Variants in DPYSL3 observed in about 807,000 individuals in gnomAD.
DPYSL3 encodes dihydropyrimidinase like 3.
DPYSL3 carries 16 observed loss-of-function variants against 66.1 expected under a neutral mutation model. The ratio of observed to expected loss-of-function variants is 0.24; its 90% confidence interval spans 0.16 to 0.37. The LOEUF (loss-of-function observed/expected upper bound fraction) is 0.37. Among genes scored for constraint, DPYSL3 ranks in the 10% least tolerant of loss-of-function variants. DPYSL3 has a pLI of 1.00. For synonymous variants in DPYSL3, 338 were observed against 345.1 expected, an observed-to-expected ratio of 0.98 and a Z score of 0.23; for missense variants, 738 against 916.2, an observed-to-expected ratio of 0.81 and a Z score of 2.51.
chr5:147,502,662 C>T (rs184464687), intron 1 of DPYSL3, among the ~76,000 whole-genome samples: 5 of 151,162 alleles, frequency 3.3e-5, no homozygotes, highest in Admixed American at 1.3e-4. Flanking sequence ...CTGCAACTTC[C>T]GCCTCCCGGG....
At chr5:147,402,366 G>A (rs1360897017) in intron 8 of DPYSL3, among the ~76,000 whole-genome samples, 1 of 78,054 alleles carries the variant, frequency 1.3e-5, no homozygotes, top group Non-Finnish European at 2.2e-5. Flanking sequence ...TTTTTTTTTT[G>A]AGACGGAGTC....
chr5:147,471,037 C>A (rs1753079640), intron 1 of DPYSL3, among the ~76,000 whole-genome samples: 1 of 152,182 alleles, frequency 6.6e-6, no homozygotes. Flanking sequence ...TAGACAGACA[C>A]TCATGGGATA....
At chr5:147,505,179 G>C (rs1447817859) in intron 1 of DPYSL3, among the ~76,000 whole-genome samples, 1 of 151,978 alleles carries the variant, frequency 6.6e-6, no homozygotes, top group African/African-American at 2.4e-5. Context: ...TTATAGATAG[G>C]TTTGGAACCA....
intron 1 of DPYSL3, among the ~76,000 whole-genome samples, chr5:147,475,439 A>C (rs971839928): frequency 3.3e-5 from 5 of 152,150 alleles, no homozygotes; most frequent in Non-Finnish European, 7.4e-5. Flanking sequence ...AAGCTAAGTC[A>C]AGTGTTGAAG....
chr5:147,502,065 A>G (rs970146750), intron 1 of DPYSL3, among the ~76,000 whole-genome samples: 1 of 152,126 alleles, frequency 6.6e-6, no homozygotes, highest in Non-Finnish European at 1.5e-5. Context: ...GGACACTGGG[A>G]TGCCCAAGAT....
At chr5:147,440,553 A>C (rs1246061760) in intron 1 of DPYSL3, among the ~76,000 whole-genome samples, 1 of 152,236 alleles carries the variant, frequency 6.6e-6, no homozygotes, top group Admixed American at 6.5e-5. Flanking sequence ...GGCCCACGGC[A>C]CATCACTATG....
At chr5:147,489,929 A>G (rs1753390201) in intron 1 of DPYSL3, among the ~76,000 whole-genome samples, 1 of 152,186 alleles carries the variant, frequency 6.6e-6, no homozygotes, top group South Asian at 2.1e-4. Flanking sequence ...AGGACTGCAC[A>G]TGTACCTCTT....
intron 1 of DPYSL3, among the ~76,000 whole-genome samples, chr5:147,447,779 C>T (rs1477707195): frequency 2.0e-5 from 3 of 152,008 alleles, no homozygotes; most frequent in Non-Finnish European, 2.9e-5. Flanking sequence ...CGGAGGTTGC[C>T]GTGAGCTGAG....
At chr5:147,450,848 G>A (rs1247001437) in intron 1 of DPYSL3, among the ~76,000 whole-genome samples, 4 of 152,164 alleles carry the variant, frequency 2.6e-5, no homozygotes, top group African/African-American at 9.7e-5. Context: ...CAGCTACTGG[G>A]TGGGGCTGCC....
intron 1 of DPYSL3, among the ~76,000 whole-genome samples, chr5:147,472,329 T>C (rs1479153148): frequency 6.6e-6 from 1 of 152,120 alleles, no homozygotes; most frequent in African/African-American, 2.4e-5. Context: ...TATTCTGAGA[T>C]GCAAGACATA....
At chr5:147,422,481 C>T (rs534547702) in intron 2 of DPYSL3, among the ~76,000 whole-genome samples, 2 of 152,236 alleles carry the variant, frequency 1.3e-5, no homozygotes, top group South Asian at 4.2e-4. Context: ...TAGCATTTGG[C>T]CCAGCAATCC....
At chr5:147,506,728 T>A (rs1753688971) in intron 1 of DPYSL3, among the ~76,000 whole-genome samples, 1 of 152,122 alleles carries the variant, frequency 6.6e-6, no homozygotes, top group African/African-American at 2.4e-5. Context: ...CTGTGCAAAG[T>A]AGTCACCATT....
intron 6 of DPYSL3, among the ~76,000 whole-genome samples, chr5:147,412,356 A>G (rs1751871330): frequency 1.3e-5 from 2 of 152,200 alleles, no homozygotes; most frequent in Non-Finnish European, 2.9e-5. Flanking sequence ...CTCTTCCAGG[A>G]TGCCTTTTCT....
chr5:147,489,265 A>G (rs541197756), intron 1 of DPYSL3, among the ~76,000 whole-genome samples: 1 of 152,166 alleles, frequency 6.6e-6, no homozygotes, highest in Non-Finnish European at 1.5e-5. Context: ...TTCCTCTGTT[A>G]GACATTTTAT....
rs1048715299 is a variant in DPYSL3, at chr5:147,392,320, G to C, written c.*1715C>G. 6 of 152,194 alleles carry C rather than the reference G, an allele frequency of 3.9e-5. No individual in the cohort carries two copies. Among genetic ancestry groups the C allele is most frequent in the African/African-American group, 1.4e-4 (6 of 41,444 alleles). 9.4% of individuals were successfully genotyped at this position (152,194 alleles called of 1,614,324 possible). Reference sequence around the variant, plus strand: ...GATTTGAACAGAAGGTAGCTTGCTAGGGGAAATCCTGTTCCTTGGCTATCT... The same window carrying C: ...GATTTGAACAGAAGGTAGCTTGCTACGGGAAATCCTGTTCCTTGGCTATCT... On this transcript the variant is annotated 3_prime_UTR_variant, in exon 14 of 14. Coordinates refer to ENST00000343218, the MANE Select transcript of DPYSL3 (RefSeq NM_001197294.2).
chr5:147,483,090 G>C (rs1201980214), intron 1 of DPYSL3, among the ~76,000 whole-genome samples: 3 of 152,010 alleles, frequency 2.0e-5, no homozygotes, highest in Admixed American at 2.0e-4. Context: ...GGGACACAAA[G>C]CAAAACCATA....
intron 6 of DPYSL3, among the ~76,000 whole-genome samples, chr5:147,412,075 T>C (rs1751865929): frequency 6.6e-6 from 1 of 152,196 alleles, no homozygotes; most frequent in Non-Finnish European, 1.5e-5. Flanking sequence ...AAATGATCAA[T>C]TTGGGCCTTG....
chr5:147,400,725 C>T lies in DPYSL3; in HGVS notation c.1419G>A (p.Glu473=). The change falls in exon 10 of 14, where the codon GAG becomes GAA. Residue 473 remains glutamate (E), a synonymous_variant. Transcript: ENST00000343218. ...TGTCCCAGATGACAGACATCCGCTC[C>T]TCCACACCATTGGTGCCCTCAGGAA... The part of the protein sequence containing the change: ...TAIPEGTNGV[E]ERMSVIWDKA... 1 of 1,614,208 alleles carries T rather than the reference C, an allele frequency of 6.2e-7. No homozygotes were observed. Among genetic ancestry groups the T allele is most frequent in the Non-Finnish European group, 8.5e-7 (1 of 1,180,022 alleles).
rs1375146457 is a variant in DPYSL3 at position 147,509,651 on chromosome 5, C to T, written c.208G>A (p.Gly70Ser). ...CGACTCCCCGATCCTCGGTCGCTGC[C>T]CTGGCCGCTCCGAGGAGTCTTCGCG... ...RGAKTPRSGQ[G>S]SDRGSGSRPG... Residue 70 changes from glycine (G) to serine (S), a missense_variant, in exon 1 of 14, where the codon GGC becomes AGC. Transcript: ENST00000343218. This position sits in a 1 kb window ranked among gnomAD's most constrained non-coding sequence, Gnocchi z 5.3. 6.5e-7 allele frequency: 1 copy of T among 1,535,608 alleles called. No homozygotes were observed. The highest frequency in any genetic ancestry group is 8.7e-7 in the Non-Finnish European group (1 of 1,146,684).
Sources: allele counts gnomAD v4.1 joint callset (sites outside exome capture counted in the v4.1 genomes callset), GRCh38; gene constraint gnomAD v4.1.1; non-coding constraint Gnocchi (gnomAD v3.1); transcripts MANE v1.5; gene names NCBI Gene and HGNC (gene_info 2026-07-23, HGNC 2026-07-21).